KLF8: variants seen among roughly 807,000 people sequenced by gnomAD.
KLF8 encodes the protein Krueppel-like factor 8.
Under a neutral mutation model 18.2 loss-of-function variants are expected in KLF8, and 10 were observed. The ratio of observed to expected loss-of-function variants is 0.55; its 90% CI spans 0.34 to 0.93. KLF8 has a LOEUF of 0.93. Ranked by LOEUF, KLF8 falls within the 40% of genes least tolerant of loss-of-function variation. The probability of loss-of-function intolerance (pLI) is 0.02; values close to 1 mark genes in which losing one functional copy is unlikely to be tolerated. For missense variants in KLF8, 264 were observed against 277.9 expected, an observed-to-expected ratio of 0.95 and a Z score of 0.36; for synonymous variants, 109 against 97.3, an observed-to-expected ratio of 1.12 and a Z score of -0.71.
the KLF8 span, among the ~76,000 whole-genome samples, chrX:56,033,350 A>AT: frequency 1.8e-5 from 2 of 111,172 alleles, no homozygotes; most frequent in East Asian, 2.8e-4. Context: ...AAATGACAGG[A>AT]TTTTTTTCCT....
At chrX:56,176,273 C>A in the KLF8 span, among the ~76,000 whole-genome samples, 1 of 111,882 alleles carries the variant, frequency 8.9e-6, no homozygotes, top group African/African-American at 3.2e-5. Flanking sequence ...GTGCTTCCTT[C>A]AGGAGTTCTT....
the KLF8 span, among the ~76,000 whole-genome samples, chrX:55,997,902 A>G: frequency 9.1e-6 from 1 of 110,353 alleles, no homozygotes; most frequent in Admixed American, 9.6e-5. Context: ...AGCGTTCAGC[A>G]TATGGAGGAT....
the KLF8 span, among the ~76,000 whole-genome samples, chrX:56,097,481 A>C: frequency 7.5e-5 from 8 of 107,349 alleles, no homozygotes; most frequent in East Asian, 1.5e-3. Context: ...ATGTGTGTGC[A>C]CCACACCCAG....
At chrX:56,159,048 G>A in the KLF8 span, among the ~76,000 whole-genome samples, 3 of 111,549 alleles carry the variant, frequency 2.7e-5, no homozygotes, top group African/African-American at 9.8e-5. Context: ...CTTATTATTT[G>A]GAGATATGTG....
chrX:56,079,261 C>T, the KLF8 span, among the ~76,000 whole-genome samples: 307 of 111,176 alleles, frequency 2.8e-3, no homozygotes, highest in African/African-American at 9.5e-3. Flanking sequence ...ATCTTCCCTG[C>T]TTCTCTTGTG....
the KLF8 span, among the ~76,000 whole-genome samples, chrX:56,048,732 G>T: frequency 8.9e-5 from 10 of 111,746 alleles, no homozygotes; most frequent in Non-Finnish European, 1.7e-4. Context: ...TTTGGCTTAG[G>T]ATTGACGTGG....
At chrX:56,094,611 A>G in the KLF8 span, among the ~76,000 whole-genome samples, 1 of 111,559 alleles carries the variant, frequency 9.0e-6, no homozygotes, top group South Asian at 3.7e-4. Flanking sequence ...AAAAAAACGT[A>G]TCTAATTGAT....
At chrX:55,949,246 C>T in the KLF8 span, among the ~76,000 whole-genome samples, 1 of 110,798 alleles carries the variant, frequency 9.0e-6, no homozygotes, top group Admixed American at 9.7e-5. Flanking sequence ...ACAGTTGTTA[C>T]AAATGCAGAC....
chrX:56,137,780 A>G, the KLF8 span, among the ~76,000 whole-genome samples: 2 of 83,792 alleles, frequency 2.4e-5, no homozygotes, highest in Non-Finnish European at 4.2e-5. Flanking sequence ...ACAAAGAAAC[A>G]AAAAAAAAAG....
chrX:55,945,417 T>C, the KLF8 span, among the ~76,000 whole-genome samples: 1 of 111,464 alleles, frequency 9.0e-6, no homozygotes. Context: ...ATCTGTCTAA[T>C]GTTGACAGTG....
At chrX:56,159,921 C>A in the KLF8 span, among the ~76,000 whole-genome samples, 1 of 110,972 alleles carries the variant, frequency 9.0e-6, no homozygotes, top group African/African-American at 3.3e-5. Flanking sequence ...TATTTCTTGC[C>A]TTCTGCTAGC....
the KLF8 span, among the ~76,000 whole-genome samples, chrX:56,179,974 A>G: frequency 9.0e-6 from 1 of 110,953 alleles, no homozygotes; most frequent in Non-Finnish European, 1.9e-5. Flanking sequence ...TGTCTCTGCC[A>G]GGCTTTGGTA....
At chrX:56,268,699 C>A in intron 3 of KLF8, 1 of 779,989 alleles carries the variant, frequency 1.3e-6, no homozygotes. Context: ...CTTATCACCA[C>A]CCCCAAGTTT....
chrX:56,172,494 C>G, the KLF8 span, among the ~76,000 whole-genome samples: 1 of 111,869 alleles, frequency 8.9e-6, no homozygotes, highest in African/African-American at 3.3e-5. Flanking sequence ...TTTTCTTAAT[C>G]CAGTCTATCA....
the KLF8 span, among the ~76,000 whole-genome samples, chrX:56,183,946 CAGA>C: frequency 9.0e-6 from 1 of 111,425 alleles, no homozygotes; most frequent in Admixed American, 9.5e-5. Context: ...ATGAGCGATG[CAGA>C]AGATGGGTGA....
At chrX:56,088,283 GA>G in the KLF8 span, among the ~76,000 whole-genome samples, 1 of 111,656 alleles carries the variant, frequency 9.0e-6, no homozygotes, top group Non-Finnish European at 1.9e-5. Flanking sequence ...ATTGCACATG[GA>G]ATGAGAACTG....
the KLF8 span, among the ~76,000 whole-genome samples, chrX:56,052,737 C>T: frequency 1.8e-5 from 2 of 112,093 alleles, no homozygotes; most frequent in Admixed American, 9.4e-5. Context: ...CTGTGCCCTG[C>T]CCCCAGAGGT....
At chrX:56,043,244 A>AT in the KLF8 span, among the ~76,000 whole-genome samples, 44 of 105,728 alleles carry the variant, frequency 4.2e-4, no homozygotes, top group East Asian at 6.8e-3. Flanking sequence ...TGCCCTTAAA[A>AT]TTTTTTTTTT....
Position 56,253,764 on chromosome X carries a change from C to CTTTTTTTTTT in KLF8, c.81+3465_81+3474dup, listed in dbSNP as rs60291877. 8.2e-3 allele frequency among the ~76,000 whole-genome samples: 492 copies of CTTTTTTTTTT among 60,052 alleles called. 11 individuals are homozygous for CTTTTTTTTTT. Among genetic ancestry groups the CTTTTTTTTTT allele is most frequent in the Non-Finnish European group, 0.011 (360 of 33,457 alleles). The allele number at this position is 60,052 out of a possible 115,157, so 52.1% of individuals were successfully genotyped here. On this transcript the variant is annotated intron_variant, in intron 2 of 5. Transcript: ENST00000468660. Reference sequence around the variant, plus strand: ...GTACATAATGTCTTTTTTTCTTTTTCTTTTTTTTTTTTTTGAGATGTTGTC... The same window carrying CTTTTTTTTTT: ...GTACATAATGTCTTTTTTTCTTTTTCTTTTTTTTTTTTTTTTTTTTTTTTGAGATGTTGTC...
Sources: gnomAD v4.1 joint callset for allele counts (sites outside exome capture counted in the v4.1 genomes callset) on GRCh38, gnomAD v4.1.1 for gene constraint, MANE v1.5 for transcripts, NCBI Gene and HGNC (gene_info 2026-07-23, HGNC 2026-07-21) for gene names.